The following FSTL1 variants were observed in gnomAD, a reference collection of about 807,000 sequenced individuals.
FSTL1 encodes the protein follistatin-related protein 1.
FSTL1 carries 24 observed loss-of-function variants against 45.9 expected under a neutral mutation model. The ratio of observed to expected loss-of-function variants is 0.52; its 90% CI spans 0.38 to 0.74. The LOEUF (loss-of-function observed/expected upper bound fraction) is 0.74, where lower values mean the gene tolerates loss of function less well. Ranked by LOEUF, FSTL1 falls within the 30% of genes least tolerant of loss-of-function variation. The pLI is 0.00. For synonymous variants in FSTL1, 120 were observed against 137.6 expected (o/e 0.87, Z 0.89); for missense variants, 340 against 381.8 (o/e 0.89, Z 0.91).
rs1937887225 is a variant in FSTL1, at chr3:120,450,955, G to A, written c.-59C>T. 4.3e-6 allele frequency: 2 copies of A among 469,896 alleles called. No individual in the cohort carries two copies. Among genetic ancestry groups the A allele is most frequent in the Admixed American group, 4.4e-5 (1 of 22,974 alleles). The allele number at this position is 469,896 out of a possible 1,614,324, so 29.1% of individuals were successfully genotyped here. On this transcript the variant is annotated 5_prime_UTR_variant, in exon 1 of 11. Coordinates refer to ENST00000295633, the MANE Select transcript of FSTL1 (RefSeq NM_007085.5). ...GCAGGACGGCGGCAGCGAGCTGTAAGCGGAGGTGGGAGCTCCGCCGATCGC... is the reference window on the plus strand; with the variant it reads ...GCAGGACGGCGGCAGCGAGCTGTAAACGGAGGTGGGAGCTCCGCCGATCGC...
rs753457722 is a variant in FSTL1 at position 120,396,911 on chromosome 3, G to A, written c.*41C>T. ...GTATACTGAACTCAGCGCTGAAGTG[G>A]AGAAGATGCTGGGATCCAGACACTG... On this transcript the variant is annotated 3_prime_UTR_variant, in exon 11 of 11. Coordinates refer to ENST00000295633, the MANE Select transcript of FSTL1 (RefSeq NM_007085.5). The A allele has an allele frequency of 2.1e-6, 3 of 1,458,974 alleles. No individual in the cohort carries two copies. The South Asian group carries it at 3.4e-5, about 17-fold the overall frequency. 90.4% of individuals were successfully genotyped at this position (1,458,974 alleles called of 1,614,324 possible).
At chr3:120,399,986 A>C in intron 9 of FSTL1, 27 bp from the exon 10 acceptor site, 1 of 1,514,552 alleles carries the variant, frequency 6.6e-7, no homozygotes, top group Non-Finnish European at 9.1e-7. Flanking sequence ...AGCTCAGAGC[A>C]GTAGCAGCTG....
chr3:120,433,159 G>A (rs1448089137), intron 2 of FSTL1, among the ~76,000 whole-genome samples: 1 of 152,212 alleles, frequency 6.6e-6, no homozygotes, highest in East Asian at 1.9e-4. Context: ...CTTCCTCTGG[G>A]AATGGTGCCA....
chr3:120,428,303 T>A (rs1240657195), intron 2 of FSTL1, among the ~76,000 whole-genome samples: 1 of 152,214 alleles, frequency 6.6e-6, no homozygotes, highest in Non-Finnish European at 1.5e-5. Context: ...TAGTAAGAAC[T>A]GTGATGCCCA....
chr3:120,427,912 G>A lies in FSTL1; in HGVS notation c.64-11885C>T, dbSNP rs138802392. Among the ~76,000 whole-genome samples, 539 of 152,292 alleles carry A rather than the reference G, an allele frequency of 3.5e-3. 4 individuals are homozygous for A. Among genetic ancestry groups the A allele is most frequent in the Middle Eastern group, 0.024 (7 of 294 alleles). On this transcript the variant is annotated intron_variant, in intron 2 of 10. Coordinates refer to ENST00000295633, the MANE Select transcript of FSTL1 (RefSeq NM_007085.5). ...ATAGGGTAGGGGCAGCCAAAGAGCTGCCTGATACCTTGGGGGCCTATACTA... is the reference window on the plus strand; with the variant it reads ...ATAGGGTAGGGGCAGCCAAAGAGCTACCTGATACCTTGGGGGCCTATACTA...
intron 2 of FSTL1, chr3:120,419,448 G>C (rs1156715425): frequency 6.6e-6 from 1 of 152,232 alleles, no homozygotes; most frequent in African/African-American, 2.4e-5. Context: ...AAGTTGCTTA[G>C]GGTGGTGGGT....
chr3:120,406,668 G>C (rs1361210812), intron 6 of FSTL1, among the ~76,000 whole-genome samples: 1 of 152,202 alleles, frequency 6.6e-6, no homozygotes, highest in African/African-American at 2.4e-5. Flanking sequence ...TCTGGTGCCT[G>C]CCCCAGAAAT....
intron 3 of FSTL1, among the ~76,000 whole-genome samples, chr3:120,412,819 TGCGC>T (rs67648835): frequency 2.3e-4 from 16 of 68,806 alleles, no homozygotes; most frequent in Admixed American, 8.0e-4. Flanking sequence ...CACACACATG[TGCGC>T]GCGCGCGCGC....
intron 2 of FSTL1, 72 bp from the exon 3 acceptor site, chr3:120,416,099 T>C: frequency 9.0e-7 from 1 of 1,107,328 alleles, no homozygotes; most frequent in Non-Finnish European, 1.4e-6. Flanking sequence ...CATAATGAGA[T>C]TATCTTTCAG....
chr3:120,438,098 A>C (rs1002306434), intron 2 of FSTL1, among the ~76,000 whole-genome samples: 1 of 152,216 alleles, frequency 6.6e-6, no homozygotes, highest in Non-Finnish European at 1.5e-5. Context: ...GGGTCCACGC[A>C]ATAGTTTCAG....
Position 120,395,287 on chromosome 3 carries a change from T to G in FSTL1, c.*1665A>C. On this transcript the variant is annotated 3_prime_UTR_variant, in exon 11 of 11. Coordinates refer to ENST00000295633, the MANE Select transcript of FSTL1 (RefSeq NM_007085.5). ...ATGAGATCTTATGTCAAGGATTTAA[T>G]CTTTGGTATTCCAAATGCATCTGAA... 5.0e-6 allele frequency: 1 copy of G among 198,260 alleles called. No individual in the cohort carries two copies. Among genetic ancestry groups the G allele is most frequent in the Non-Finnish European group, 1.0e-5 (1 of 98,818 alleles). 12.3% of individuals were successfully genotyped at this position (198,260 alleles called of 1,614,324 possible).
intron 2 of FSTL1, among the ~76,000 whole-genome samples, chr3:120,439,054 T>C (rs1937600879): frequency 6.6e-6 from 1 of 152,264 alleles, no homozygotes; most frequent in Non-Finnish European, 1.5e-5. Context: ...ATGCAGATTG[T>C]GCTAAAAAGG....
intron 2 of FSTL1, among the ~76,000 whole-genome samples, chr3:120,428,551 G>A (rs1937423682): frequency 1.3e-5 from 2 of 152,108 alleles, no homozygotes; most frequent in Non-Finnish European, 2.9e-5. Context: ...TGGCCAACAT[G>A]GTGAAACCCC....
chr3:120,433,722 TTAGA>T (rs902929516), intron 2 of FSTL1, among the ~76,000 whole-genome samples: 1 of 152,162 alleles, frequency 6.6e-6, no homozygotes, highest in Non-Finnish European at 1.5e-5. Context: ...AGGGCACCAC[TTAGA>T]TTGAGTGGTC....
chr3:120,420,496 C>T (rs556811177), intron 2 of FSTL1, among the ~76,000 whole-genome samples: 33 of 152,260 alleles, frequency 2.2e-4, no homozygotes, highest in African/African-American at 7.7e-4. Flanking sequence ...GACCAGTCTC[C>T]GTGTTGTTTT....
At chr3:120,403,953 AAACAAAACAAAAAC>A (rs1936890127) in intron 7 of FSTL1, among the ~76,000 whole-genome samples, 1 of 89,888 alleles carries the variant, frequency 1.1e-5, no homozygotes, top group African/African-American at 4.6e-5. Flanking sequence ...AACAAAAACA[AAACAAAACAAAAAC>A]AAAAACAAAA....
At chr3:120,412,834 GCGCGCACACACA>G (rs1937095459) in intron 3 of FSTL1, among the ~76,000 whole-genome samples, 27 of 77,542 alleles carry the variant, frequency 3.5e-4, no homozygotes, top group African/African-American at 9.9e-4. Flanking sequence ...GCGCGCGCGC[GCGCGCACACACA>G]CACACACACA....
At position 120,409,669 on chromosome 3, in the gene FSTL1, G is replaced by C; in HGVS notation, c.332-7C>G. 6.2e-7 allele frequency: 1 copy of C among 1,613,724 alleles called. No homozygotes were observed. The highest frequency in any genetic ancestry group is 8.5e-7 in the Non-Finnish European group (1 of 1,179,770). On this transcript the variant is annotated splice_polypyrimidine_tract_variant and splice_region_variant and intron_variant, in intron 5 of 10. Coordinates refer to ENST00000295633, the MANE Select transcript of FSTL1 (RefSeq NM_007085.5). ...TTGGACTGATAGCAAACAACTGCAGGAAAGTGGAGGATGTCAGCTGGAGCA... is the reference window on the plus strand; with the variant it reads ...TTGGACTGATAGCAAACAACTGCAGCAAAGTGGAGGATGTCAGCTGGAGCA...
intron 6 of FSTL1, among the ~76,000 whole-genome samples, chr3:120,405,410 G>A (rs1936928627): frequency 6.6e-6 from 1 of 152,188 alleles, no homozygotes; most frequent in South Asian, 2.1e-4. Flanking sequence ...AGCTGCTCAG[G>A]AACAGCAGCA....
Sources: allele counts gnomAD v4.1 joint callset (sites outside exome capture counted in the v4.1 genomes callset), GRCh38; gene constraint gnomAD v4.1.1; transcripts MANE v1.5; gene names NCBI Gene and HGNC (gene_info 2026-07-23, HGNC 2026-07-21).